Variants in DRGX observed in about 807,000 individuals in gnomAD.
The protein encoded by DRGX is dorsal root ganglia homeobox, also known as dorsal root ganglia homeobox protein.
A neutral mutation model predicts 28.6 loss-of-function variants in DRGX; 21 were observed. The ratio of observed to expected loss-of-function variants is 0.73; its 90% CI spans 0.52 to 1.06. The LOEUF is 1.06. Ranked by LOEUF, DRGX falls within the 50% of genes least tolerant of loss-of-function variation. The pLI is 0.00. For missense variants in DRGX, 354 were observed against 343.9 expected, an observed-to-expected ratio of 1.03 and a Z score of -0.23; for synonymous variants, 136 against 139.1, an observed-to-expected ratio of 0.98 and a Z score of 0.16.
At chr10:49,373,588 C>A (rs766709310) in intron 6 of DRGX, among the ~76,000 whole-genome samples, 3 of 152,120 alleles carry the variant, frequency 2.0e-5, no homozygotes, top group Admixed American at 6.6e-5. Flanking sequence ...CAGAGGGTTG[C>A]CCTGTCTCTT....
chr10:49,391,988 A>G, intron 2 of DRGX: 2 of 407,496 alleles, frequency 4.9e-6, no homozygotes, highest in Non-Finnish European at 9.9e-6. Context: ...AGCCTTATAA[A>G]GCACCTACCA....
chr10:49,376,545 C>T (rs1242015129), intron 6 of DRGX, among the ~76,000 whole-genome samples: 1 of 152,230 alleles, frequency 6.6e-6, no homozygotes, highest in African/African-American at 2.4e-5. Context: ...GATCCAAACC[C>T]AAGCCCTAAT....
intron 6 of DRGX, among the ~76,000 whole-genome samples, chr10:49,380,160 AG>A (rs368730276): frequency 6.6e-6 from 1 of 152,304 alleles, no homozygotes; most frequent in African/African-American, 2.4e-5. Flanking sequence ...TGCCCAGTGC[AG>A]GGGGGTGGCT....
At chr10:49,372,473 T>G (rs1173669680) in intron 6 of DRGX, among the ~76,000 whole-genome samples, 1 of 152,196 alleles carries the variant, frequency 6.6e-6, no homozygotes, top group East Asian at 1.9e-4. Context: ...AGCTTCAGCT[T>G]CTTCGCCTTA....
At chr10:49,373,397 A>G (rs1286388322) in intron 6 of DRGX, among the ~76,000 whole-genome samples, 1 of 152,254 alleles carries the variant, frequency 6.6e-6, no homozygotes, top group African/African-American at 2.4e-5. Context: ...TTTGGAATAT[A>G]TATGCGTGTG....
intron 4 of DRGX, among the ~76,000 whole-genome samples, chr10:49,389,772 C>A (rs1418035830): frequency 6.6e-6 from 1 of 152,080 alleles, no homozygotes; most frequent in Non-Finnish European, 1.5e-5. Flanking sequence ...CTGCAATTGA[C>A]CAGCCTTACC....
Position 49,366,281 on chromosome 10 carries a change from C to T in DRGX, c.627G>A (p.Leu209=), listed in dbSNP as rs1180955605. The T allele has an allele frequency of 6.2e-7, 1 of 1,613,848 alleles. No homozygotes were observed. The highest frequency in any genetic ancestry group is 8.5e-7 in the Non-Finnish European group (1 of 1,179,890). ...QSNRTASVAT[L]RMKAREHSEA... is the part of the protein sequence containing the mutation. The stretch of plus-strand genomic sequence containing the variant: ...CTGAGTGCTCGCGGGCCTTCATGCG[C>T]AGGGTGGCCACGCTGGCCGTGCGGT... The change falls in exon 7 of 7, where the codon CTG becomes CTA. Residue 209 remains leucine, a synonymous_variant. Transcript: ENST00000374139.
chr10:49,378,175 A>C (rs2132475878), intron 6 of DRGX, among the ~76,000 whole-genome samples: 1 of 152,320 alleles, frequency 6.6e-6, no homozygotes, highest in Admixed American at 6.5e-5. Context: ...TAATATTAGT[A>C]ATTTTTAAAA....
intron 2 of DRGX, among the ~76,000 whole-genome samples, chr10:49,393,513 T>C (rs1323334337): frequency 6.6e-6 from 1 of 152,212 alleles, no homozygotes; most frequent in African/African-American, 2.4e-5. Context: ...ATCAGCAAAA[T>C]TATCTGAGAA....
At chr10:49,381,983 TGGTTG>T (rs1213222638) in intron 6 of DRGX, among the ~76,000 whole-genome samples, 1 of 152,032 alleles carries the variant, frequency 6.6e-6, no homozygotes, top group African/African-American at 2.4e-5. Flanking sequence ...CTTGGAGAAG[TGGTTG>T]GGATGTCTGG....
At chr10:49,391,071 G>T in intron 3 of DRGX, 93 bp downstream of exon 3, 2 of 1,327,728 alleles carry the variant, frequency 1.5e-6, no homozygotes, top group South Asian at 1.3e-5. Flanking sequence ...TAATCAATTG[G>T]TCTTATTTTA....
rs996880045 is a variant in DRGX, at chr10:49,369,775, T to G, written c.527-3394A>C. 6.9e-3 allele frequency among the ~76,000 whole-genome samples: 786 copies of G among 113,464 alleles called. 8 individuals are homozygous for G. Among genetic ancestry groups the G allele is most frequent in the African/African-American group, 0.027 (723 of 27,248 alleles). The allele number at this position is 113,464 out of a possible 152,430, so 74.4% of individuals were successfully genotyped here. The stretch of plus-strand genomic sequence containing the variant: ...TACCATAATCAAAAAGAAAATAAGA[T>G]TTTTTTTTTTTTAAGTGTGCTGGCC... On this transcript the variant is annotated intron_variant, in intron 6 of 6. Transcript: ENST00000374139.
At chr10:49,377,869 G>C (rs1269142308) in intron 6 of DRGX, among the ~76,000 whole-genome samples, 2 of 152,062 alleles carry the variant, frequency 1.3e-5, no homozygotes, top group Non-Finnish European at 2.9e-5. Flanking sequence ...GGCAACCACA[G>C]TTAAATAAAA....
intron 6 of DRGX, among the ~76,000 whole-genome samples, chr10:49,385,753 CT>C: frequency 6.6e-6 from 1 of 152,194 alleles, no homozygotes; most frequent in Non-Finnish European, 1.5e-5. Context: ...CCCAGACCCC[CT>C]GTGACAAACG....
At chr10:49,394,929 C>G (rs573686048) in intron 2 of DRGX, among the ~76,000 whole-genome samples, 2 of 152,354 alleles carry the variant, frequency 1.3e-5, no homozygotes, top group African/African-American at 2.4e-5. Context: ...GCGGAAGAGG[C>G]CCCTGCAGTG....
Position 49,395,921 on chromosome 10 carries a change from G to C in DRGX, c.-82+14C>G, listed in dbSNP as rs1165525575. The C allele has an allele frequency of 1.2e-5, 2 of 165,866 alleles. No homozygotes were observed. The highest frequency in any genetic ancestry group is 1.3e-4 in the Admixed American group (2 of 15,548). 10.3% of individuals were successfully genotyped at this position (165,866 alleles called of 1,614,324 possible). A position where few individuals can be genotyped will look rare whatever the true frequency, so the allele number is the denominator to read the frequency against. The stretch of plus-strand genomic sequence containing the variant: ...CGCTCGGGGCCCGGCGAGTGGGTCA[G>C]GAGCCGAGCATACCTCGGCGGGCGG... On this transcript the variant is annotated intron_variant, in intron 1 of 6. Transcript: ENST00000374139.
Position 49,366,060 on chromosome 10 carries a change from G to C in DRGX, c.*56C>G. ...ATTTGGAGAGTTTTCTGTAGGGGCTGAGGCTGGGAGAAGGAGGGGCGGGGG... is the reference window on the plus strand; with the variant it reads ...ATTTGGAGAGTTTTCTGTAGGGGCTCAGGCTGGGAGAAGGAGGGGCGGGGG... On this transcript the variant is annotated 3_prime_UTR_variant, in exon 7 of 7. Coordinates refer to ENST00000374139, the MANE Select transcript of DRGX (RefSeq NM_001276451.2). The C allele has an allele frequency of 6.7e-7, 1 of 1,499,880 alleles. No individual in the cohort carries two copies. Among genetic ancestry groups the C allele is most frequent in the Non-Finnish European group, 8.9e-7 (1 of 1,126,562 alleles). The allele number at this position is 1,499,880 out of a possible 1,614,324, so 92.9% of individuals were successfully genotyped here.
At chr10:49,394,341 C>T (rs1459132297) in intron 2 of DRGX, among the ~76,000 whole-genome samples, 1 of 152,200 alleles carries the variant, frequency 6.6e-6, no homozygotes, top group Non-Finnish European at 1.5e-5. Flanking sequence ...GCAAGACTGA[C>T]AAGCATCACC....
At chr10:49,382,467 C>A (rs1849787284) in intron 6 of DRGX, among the ~76,000 whole-genome samples, 1 of 152,204 alleles carries the variant, frequency 6.6e-6, no homozygotes, top group African/African-American at 2.4e-5. Context: ...CCAGCTACCT[C>A]TGGGGATGCA....
Sources: allele counts gnomAD v4.1 joint callset (sites outside exome capture counted in the v4.1 genomes callset), GRCh38; gene constraint gnomAD v4.1.1; transcripts MANE v1.5; gene names NCBI Gene and HGNC (gene_info 2026-07-23, HGNC 2026-07-21).